The following MEGF11 variants were observed in gnomAD, a reference collection of about 807,000 sequenced individuals.
MEGF11 encodes the protein multiple EGF like domains 11.
Under a neutral mutation model 146.6 loss-of-function variants are expected in MEGF11, and 126 were observed. That is an observed-to-expected ratio of 0.86 (90% CI 0.74 to 1.00). The LOEUF is 1.00. MEGF11 is among the 50% of genes least tolerant of loss of function. MEGF11 has a pLI of 0.00. For synonymous variants in MEGF11, 532 were observed against 583.4 expected, an observed-to-expected ratio of 0.91 and a Z score of 1.27; for missense variants, 1,509 against 1,521.2, an observed-to-expected ratio of 0.99 and a Z score of 0.13.
At chr15:66,084,736 C>G (rs1310780682) in intron 5 of MEGF11, among the ~76,000 whole-genome samples, 2 of 152,174 alleles carry the variant, frequency 1.3e-5, no homozygotes, top group Admixed American at 1.3e-4. Context: ...TAAAACTCCA[C>G]AGAGAGAAGG....
At chr15:66,216,265 T>C (rs549866517) in intron 1 of MEGF11, among the ~76,000 whole-genome samples, 3 of 152,290 alleles carry the variant, frequency 2.0e-5, no homozygotes, top group African/African-American at 7.2e-5. Flanking sequence ...CTTGAAATTA[T>C]GCACTGTCCA....
intron 21 of MEGF11, among the ~76,000 whole-genome samples, chr15:65,911,522 CT>C (rs2078806824): frequency 6.6e-6 from 1 of 152,230 alleles, no homozygotes; most frequent in South Asian, 2.1e-4. Flanking sequence ...AGCGATCCTC[CT>C]GCCTCAGCCT....
chr15:66,055,614 A>G (rs1206133775), intron 5 of MEGF11, among the ~76,000 whole-genome samples: 1 of 152,222 alleles, frequency 6.6e-6, no homozygotes, highest in African/African-American at 2.4e-5. Context: ...GCTGCTATTT[A>G]TAATGTTTGG....
At chr15:66,165,317 C>A (rs139526832) in intron 1 of MEGF11, among the ~76,000 whole-genome samples, 3 of 152,102 alleles carry the variant, frequency 2.0e-5, no homozygotes, top group Non-Finnish European at 4.4e-5. Context: ...GGTGAAGCCA[C>A]GGACTCACAG....
At position 66,201,655 on chromosome 15, in the gene MEGF11, G is replaced by T. The variant is rs562040155; in HGVS notation, c.-9+51950C>A. On this transcript the variant is annotated intron_variant, in intron 1 of 25. Coordinates refer to ENST00000395614, the MANE Select transcript of MEGF11 (RefSeq NM_001385028.1). ...CCTGCCATTAAAAACCTGCCTCCAG[G>T]CCGGGTACGGTGGCTCATGCCTGTA... 2.0e-5 allele frequency among the ~76,000 whole-genome samples: 3 copies of T among 151,608 alleles called. No homozygotes were observed. The East Asian group carries it at 5.9e-4, about 30-fold the overall frequency.
At chr15:65,960,464 C>T (rs2080820313) in intron 9 of MEGF11, among the ~76,000 whole-genome samples, 1 of 152,178 alleles carries the variant, frequency 6.6e-6, no homozygotes, top group Admixed American at 6.5e-5. Context: ...CCTTGGTGGC[C>T]CTGACGCTCT....
intron 1 of MEGF11, among the ~76,000 whole-genome samples, chr15:66,215,349 C>T (rs768706096): frequency 1.3e-5 from 2 of 152,134 alleles, no homozygotes; most frequent in African/African-American, 2.4e-5. Context: ...CCAGAGGGAC[C>T]ACCTGAGCCC....
intron 1 of MEGF11, among the ~76,000 whole-genome samples, chr15:66,157,094 C>G (rs1015615355): frequency 5.4e-5 from 5 of 92,802 alleles, no homozygotes; most frequent in Non-Finnish European, 1.1e-4. Context: ...GGACCAACGC[C>G]TTACAGGTTT....
At chr15:66,160,521 C>T (rs1167413253) in intron 1 of MEGF11, among the ~76,000 whole-genome samples, 3 of 152,146 alleles carry the variant, frequency 2.0e-5, no homozygotes, top group South Asian at 2.1e-4. Context: ...TTTTACTTTT[C>T]CTGACTTGCA....
At chr15:65,978,674 G>A (rs566795013) in intron 7 of MEGF11, among the ~76,000 whole-genome samples, 1 of 152,200 alleles carries the variant, frequency 6.6e-6, no homozygotes, top group Non-Finnish European at 1.5e-5. Context: ...TGAGGACCCA[G>A]CCTGCTGGGT....
intron 1 of MEGF11, among the ~76,000 whole-genome samples, chr15:66,160,225 G>A (rs2089900536): frequency 7.1e-6 from 1 of 140,784 alleles, no homozygotes; most frequent in Non-Finnish European, 1.5e-5. Context: ...AAAGGACAAA[G>A]CCTCCCAAGG....
intron 1 of MEGF11, among the ~76,000 whole-genome samples, chr15:66,164,118 T>G (rs2090034657): frequency 6.6e-6 from 1 of 152,072 alleles, no homozygotes; most frequent in Admixed American, 6.5e-5. Flanking sequence ...GGAGGTCCAT[T>G]GTGGCCTGAA....
At chr15:66,080,268 A>G (rs894232341) in intron 5 of MEGF11, among the ~76,000 whole-genome samples, 1 of 152,198 alleles carries the variant, frequency 6.6e-6, no homozygotes, top group Non-Finnish European at 1.5e-5. Flanking sequence ...GACCTCGTGG[A>G]AAGCCTCAGA....
intron 5 of MEGF11, among the ~76,000 whole-genome samples, chr15:65,990,176 T>C (rs960586314): frequency 6.6e-6 from 1 of 151,142 alleles, no homozygotes; most frequent in African/African-American, 2.4e-5. Context: ...GTACCACTGC[T>C]CTCCAGCTGT....
At chr15:66,136,694 A>C (rs1296785608) in intron 1 of MEGF11, among the ~76,000 whole-genome samples, 1 of 152,242 alleles carries the variant, frequency 6.6e-6, no homozygotes, top group Non-Finnish European at 1.5e-5. Context: ...GCCGGGTCCA[A>C]AGACAGGTTC....
In MEGF11 at chr15:66,103,666, C is replaced by A. The variant is rs796709555; in HGVS notation, c.302-9172G>T. Reference sequence around the variant, plus strand: ...GCCAGCCGGTCAAGGTGGGGGTGGTCAGGGGCTGGTGAGGACAAAGCCCCA... The same window carrying A: ...GCCAGCCGGTCAAGGTGGGGGTGGTAAGGGGCTGGTGAGGACAAAGCCCCA... On this transcript the variant is annotated intron_variant, in intron 4 of 25. Coordinates refer to ENST00000395614, the MANE Select transcript of MEGF11 (RefSeq NM_001385028.1). 7.9e-5 allele frequency among the ~76,000 whole-genome samples: 12 copies of A among 152,210 alleles called. 2 individuals carry two copies. The highest frequency in any genetic ancestry group is 2.9e-4 in the African/African-American group (12 of 41,526).
At chr15:66,013,874 G>C (rs2082792471) in intron 5 of MEGF11, among the ~76,000 whole-genome samples, 1 of 152,242 alleles carries the variant, frequency 6.6e-6, no homozygotes, top group South Asian at 2.1e-4. Flanking sequence ...AAGGCAAAGA[G>C]AGACTGAGGC....
chr15:66,133,633 A>G (rs577478799), intron 1 of MEGF11, among the ~76,000 whole-genome samples: 1 of 152,132 alleles, frequency 6.6e-6, no homozygotes, highest in Admixed American at 6.5e-5. Context: ...TGGCCTTGCT[A>G]GGGCCTGATT....
At chr15:66,000,839 A>C (rs1047319875) in intron 5 of MEGF11, among the ~76,000 whole-genome samples, 2 of 152,206 alleles carry the variant, frequency 1.3e-5, no homozygotes, top group African/African-American at 4.8e-5. Flanking sequence ...CCCCAGGAAG[A>C]GGTGAAGGCA....
Sources: gnomAD v4.1 joint callset for allele counts (sites outside exome capture counted in the v4.1 genomes callset) on GRCh38, gnomAD v4.1.1 for gene constraint, MANE v1.5 for transcripts, NCBI Gene and HGNC (gene_info 2026-07-23, HGNC 2026-07-21) for gene names.